Variants in PEAK1 observed in about 807,000 individuals in gnomAD.
The protein encoded by PEAK1 is inactive tyrosine-protein kinase PEAK1.
A neutral mutation model predicts 124.7 loss-of-function variants in PEAK1; 54 were observed. The observed-to-expected ratio is 0.43, with a 90% confidence interval of 0.35 to 0.54. The LOEUF is 0.54. PEAK1 is among the 20% of genes least tolerant of loss of function. PEAK1 has a pLI of 0.01. For synonymous variants in PEAK1, 719 were observed against 760.0 expected (o/e 0.95, Z 0.89); for missense variants, 2,046 against 2,134.5 (o/e 0.96, Z 0.82).
chr15:77,280,344 C>CA (rs1210267272), intron 5 of PEAK1, among the ~76,000 whole-genome samples: 2 of 150,424 alleles, frequency 1.3e-5, no homozygotes, highest in African/African-American at 2.4e-5. Flanking sequence ...GACTCCATCT[C>CA]AAAAAAAAGG....
chr15:77,386,972 T>TA (rs145451079), intron 1 of PEAK1, among the ~76,000 whole-genome samples: 4,868 of 150,252 alleles, frequency 0.032, 119 homozygotes, highest in East Asian at 0.11. Context: ...GTATCCATAG[T>TA]AAAAAAAAAA....
intron 5 of PEAK1, among the ~76,000 whole-genome samples, chr15:77,279,104 C>CGTGT (rs34561338): frequency 0.021 from 2,452 of 115,086 alleles, 34 homozygotes; most frequent in East Asian, 0.046. Flanking sequence ...CTCGTGTGTG[C>CGTGT]GTGTGTGTGT....
chr15:77,132,914 T>G, intron 9 of PEAK1, 91 bp downstream of exon 9: 1 of 1,307,002 alleles, frequency 7.7e-7, no homozygotes, highest in Non-Finnish European at 1.1e-6. Context: ...AATGGAAGAA[T>G]GAAGGAAAGA....
At chr15:77,144,070 C>T (rs2053997203) in intron 8 of PEAK1, among the ~76,000 whole-genome samples, 1 of 152,104 alleles carries the variant, frequency 6.6e-6, no homozygotes, top group Admixed American at 6.6e-5. Flanking sequence ...CTTTTATAAC[C>T]TCAGAACTGA....
intron 8 of PEAK1, among the ~76,000 whole-genome samples, chr15:77,153,400 G>T (rs973745081): frequency 1.3e-5 from 2 of 151,900 alleles, no homozygotes; most frequent in Admixed American, 1.3e-4. Context: ...TCTTGCTAGC[G>T]GTCTATCAAT....
intron 5 of PEAK1, among the ~76,000 whole-genome samples, chr15:77,276,168 G>C (rs1194079217): frequency 1.3e-5 from 2 of 151,992 alleles, no homozygotes; most frequent in African/African-American, 2.4e-5. Flanking sequence ...GGAGAAAAAG[G>C]ACAGAAAAAT....
chr15:77,361,616 T>C (rs1037706665), intron 2 of PEAK1, among the ~76,000 whole-genome samples: 1 of 152,168 alleles, frequency 6.6e-6, no homozygotes, highest in Non-Finnish European at 1.5e-5. Flanking sequence ...AACTCTTATA[T>C]ACTGCTGATG....
At chr15:77,136,160 C>G (rs1017159502) in intron 8 of PEAK1, among the ~76,000 whole-genome samples, 4 of 152,104 alleles carry the variant, frequency 2.6e-5, no homozygotes, top group Admixed American at 1.3e-4. Flanking sequence ...ATAAGGAACT[C>G]GTTGTGAACT....
intron 6 of PEAK1, among the ~76,000 whole-genome samples, chr15:77,226,988 T>C (rs1382222168): frequency 3.3e-5 from 5 of 152,286 alleles, no homozygotes. Flanking sequence ...TATTTTACTA[T>C]ATGGCAGTTG....
chr15:77,286,092 C>G (rs1274653529), intron 3 of PEAK1, among the ~76,000 whole-genome samples: 3 of 152,122 alleles, frequency 2.0e-5, no homozygotes, highest in African/African-American at 7.2e-5. Flanking sequence ...CAAAGAACAT[C>G]TTTATTTCTG....
At chr15:77,286,260 C>A (rs2062925969) in intron 3 of PEAK1, among the ~76,000 whole-genome samples, 163 bp downstream of exon 3, 1 of 152,010 alleles carries the variant, frequency 6.6e-6, no homozygotes, top group Non-Finnish European at 1.5e-5. Flanking sequence ...GCATTAGTTG[C>A]AAATAGTTTG....
intron 1 of PEAK1, among the ~76,000 whole-genome samples, chr15:77,373,078 G>C (rs185849069): frequency 5.3e-5 from 8 of 152,240 alleles, no homozygotes; most frequent in African/African-American, 1.9e-4. Context: ...ATCAAAAATG[G>C]AGCAATTTCA....
chr15:77,130,219 A>G (rs558791815), intron 9 of PEAK1, among the ~76,000 whole-genome samples: 4 of 152,224 alleles, frequency 2.6e-5, no homozygotes, highest in African/African-American at 9.6e-5. Flanking sequence ...AGATAGTTCA[A>G]TGTCCCTTTC....
intron 1 of PEAK1, among the ~76,000 whole-genome samples, chr15:77,409,079 A>G (rs1042329600): frequency 2.6e-5 from 4 of 152,112 alleles, no homozygotes; most frequent in African/African-American, 9.7e-5. Flanking sequence ...TCAAAAACAA[A>G]CAAACACAAA....
Position 77,245,473 on chromosome 15 carries a change from C to T in PEAK1, c.-115+6894G>A, listed in dbSNP as rs552699158. Among the ~76,000 whole-genome samples, 255 of 152,190 alleles carry T rather than the reference C, an allele frequency of 1.7e-3. 1 individual carries two copies. The highest frequency in any genetic ancestry group is 5.8e-3 in the African/African-American group (239 of 41,546). On this transcript the variant is annotated intron_variant, in intron 6 of 9. Transcript: ENST00000682557. ...GAGCACTTTGGGAGGCCAAGGCAGGCGGATTGCCTGAGGTCAGGAGTTCAA... is the reference window on the plus strand; with the variant it reads ...GAGCACTTTGGGAGGCCAAGGCAGGTGGATTGCCTGAGGTCAGGAGTTCAA...
intron 6 of PEAK1, among the ~76,000 whole-genome samples, chr15:77,228,151 A>G (rs2152892106): frequency 6.6e-6 from 1 of 152,110 alleles, no homozygotes; most frequent in East Asian, 1.9e-4. Flanking sequence ...GTTTTAGGGT[A>G]CATGTGCACA....
rs370882788 is a variant in PEAK1, at chr15:77,181,187, T to C, written c.740A>G (p.Glu247Gly). 1.2e-6 allele frequency: 2 copies of C among 1,613,988 alleles called. No homozygotes were observed. The highest frequency in any genetic ancestry group is 2.7e-5 in the African/African-American group (2 of 74,928). ...ACTCTCATCCCAACTCTCGTGCTCC[T>C]CCTCCATGTTACTGAAAAGTACATC... ...EEDVLFSNME[E>G]EHESWDESDE... The change falls in exon 7 of 10, where the codon GAG becomes GGG. Residue 247 changes from glutamate to glycine, a missense_variant. Transcript: ENST00000682557.
intron 6 of PEAK1, among the ~76,000 whole-genome samples, chr15:77,236,200 G>T (rs1408525624): frequency 6.6e-6 from 1 of 152,230 alleles, no homozygotes; most frequent in Non-Finnish European, 1.5e-5. Context: ...TAGATCCACT[G>T]ACAGCTTGCA....
At chr15:77,240,168 T>C (rs1180832913) in intron 6 of PEAK1, among the ~76,000 whole-genome samples, 1 of 152,240 alleles carries the variant, frequency 6.6e-6, no homozygotes, top group African/African-American at 2.4e-5. Flanking sequence ...TTATCATCTG[T>C]GTCATTCAGA....
Sources: gnomAD v4.1 joint callset for allele counts (sites outside exome capture counted in the v4.1 genomes callset) on GRCh38, gnomAD v4.1.1 for gene constraint, MANE v1.5 for transcripts, NCBI Gene and HGNC (gene_info 2026-07-23, HGNC 2026-07-21) for gene names.